The following KIF5B variants were observed in gnomAD, a reference collection of about 807,000 sequenced individuals.
The protein encoded by KIF5B is kinesin-1 heavy chain.
Under a neutral mutation model 132.8 loss-of-function variants are expected in KIF5B, and 49 were observed. The observed-to-expected ratio is 0.37, with a 90% CI of 0.29 to 0.47. KIF5B has a LOEUF of 0.47. Among genes scored for constraint, KIF5B ranks in the 20% least tolerant of loss-of-function variants. The pLI is 1.00. For synonymous variants in KIF5B, 355 were observed against 369.4 expected, an observed-to-expected ratio of 0.96 and a Z score of 0.45; for missense variants, 780 against 1,144.0, an observed-to-expected ratio of 0.68 and a Z score of 4.59.
chr10:32,021,148 G>GA lies in KIF5B; in HGVS notation c.2095-18dup. 1 of 1,608,180 alleles carries GA rather than the reference G, an allele frequency of 6.2e-7. No individual in the cohort carries two copies. Among genetic ancestry groups the GA allele is most frequent in the Non-Finnish European group, 8.5e-7 (1 of 1,174,914 alleles). ...AACAGCTTGCTAAAATTTTGGGGGG[G>GA]AAAAGGATGTTAAAGTCAGACTAAT... On this transcript the variant is annotated splice_polypyrimidine_tract_variant and intron_variant, in intron 18 of 25. Coordinates refer to ENST00000302418, the MANE Select transcript of KIF5B (RefSeq NM_004521.3).
At chr10:32,043,348 G>C (rs572245540) in intron 2 of KIF5B, among the ~76,000 whole-genome samples, 2 of 152,248 alleles carry the variant, frequency 1.3e-5, no homozygotes, top group African/African-American at 2.4e-5. Context: ...AGAAAACTGA[G>C]ACACAGAGAG....
At chr10:32,051,193 G>A (rs906892676) in intron 1 of KIF5B, among the ~76,000 whole-genome samples, 1 of 152,138 alleles carries the variant, frequency 6.6e-6, no homozygotes, top group Non-Finnish European at 1.5e-5. Context: ...TGAGTAGCTG[G>A]GACCACAGGC....
chr10:32,032,459 AAAGT>A (rs1209888747), intron 13 of KIF5B, among the ~76,000 whole-genome samples: 1 of 152,232 alleles, frequency 6.6e-6, no homozygotes, highest in Non-Finnish European at 1.5e-5. Context: ...ATGAGGATCC[AAAGT>A]AAGTGACAAG....
At position 32,022,083 on chromosome 10, in the gene KIF5B, T is replaced by C. The variant is rs1047400791; in HGVS notation, c.2032+57A>G. The stretch of plus-strand genomic sequence containing the variant: ...CTTTCAGTGTGAATATTAAGTTTAC[T>C]ACAATTATACTAAAATAAGAACACA... On this transcript the variant is annotated intron_variant, in intron 17 of 25. Coordinates refer to ENST00000302418, the MANE Select transcript of KIF5B (RefSeq NM_004521.3). The C allele has an allele frequency of 1.7e-5, 14 of 831,536 alleles. No individual in the cohort carries two copies. The African/African-American group carries it at 2.2e-4, about 13-fold the overall frequency. 51.5% of individuals were successfully genotyped at this position (831,536 alleles called of 1,614,324 possible).
intron 2 of KIF5B, among the ~76,000 whole-genome samples, chr10:32,044,869 T>C (rs1841589015): frequency 6.6e-6 from 1 of 152,144 alleles, no homozygotes; most frequent in South Asian, 2.1e-4. Flanking sequence ...TGTCTGATTC[T>C]AAAGATTATA....
intron 6 of KIF5B, among the ~76,000 whole-genome samples, chr10:32,037,886 C>CG (rs1399525937): frequency 6.6e-6 from 1 of 151,492 alleles, no homozygotes; most frequent in Non-Finnish European, 1.5e-5. Flanking sequence ...CAGAGGCGGG[C>CG]GGATCACGAG....
chr10:32,027,571 A>G (rs1841349067), intron 15 of KIF5B, among the ~76,000 whole-genome samples: 1 of 152,042 alleles, frequency 6.6e-6, no homozygotes, highest in Non-Finnish European at 1.5e-5. Context: ...TATTTAAAGC[A>G]ACCACAAGCC....
intron 8 of KIF5B, among the ~76,000 whole-genome samples, chr10:32,036,963 A>G (rs371337561): frequency 6.7e-6 from 1 of 150,092 alleles, no homozygotes; most frequent in East Asian, 1.9e-4. Context: ...TAGAAAAGGG[A>G]TATCTAATAA....
intron 20 of KIF5B, among the ~76,000 whole-genome samples, chr10:32,019,312 A>G (rs952088195): frequency 7.9e-5 from 12 of 152,198 alleles, no homozygotes; most frequent in African/African-American, 2.7e-4. Context: ...CTATCCTAAC[A>G]ATATCAGTTG....
At chr10:32,031,799 C>G (rs1420078306) in intron 13 of KIF5B, among the ~76,000 whole-genome samples, 5 of 147,068 alleles carry the variant, frequency 3.4e-5, no homozygotes, top group African/African-American at 1.3e-4. Context: ...GAGTTTGAGA[C>G]CAGCCTGACC....
chr10:32,035,310 G>A (rs1176980447), intron 10 of KIF5B, among the ~76,000 whole-genome samples: 1 of 152,104 alleles, frequency 6.6e-6, no homozygotes, highest in South Asian at 2.1e-4. Flanking sequence ...ACACAAATTT[G>A]ACTAAAATTA....
At chr10:32,041,554 G>A (rs759797872) in intron 2 of KIF5B, among the ~76,000 whole-genome samples, 3 of 152,030 alleles carry the variant, frequency 2.0e-5, no homozygotes, top group Non-Finnish European at 2.9e-5. Context: ...CACAAACCCC[G>A]ACCTTCCTCT....
intron 2 of KIF5B, among the ~76,000 whole-genome samples, chr10:32,042,551 CAA>C (rs980142812): frequency 2.0e-5 from 3 of 152,204 alleles, no homozygotes; most frequent in African/African-American, 7.2e-5. Context: ...CCTGTCAACT[CAA>C]AGTCAGGACC....
At position 32,038,193 on chromosome 10, in the gene KIF5B, A is replaced by G. The variant is rs757463226; in HGVS notation, c.468T>C (p.His156=). The change falls in exon 6 of 26, where the codon CAT becomes CAC. Residue 156 remains histidine, a synonymous_variant. Coordinates refer to ENST00000302418, the MANE Select transcript of KIF5B (RefSeq NM_004521.3). Reference sequence around the variant, plus strand: ...CATAGGGAACTCGGTTTTTGTCTTCATGAACTGAAAGGTTGGTCTTTGAAA... The same window carrying G: ...CATAGGGAACTCGGTTTTTGTCTTCGTGAACTGAAAGGTTGGTCTTTGAAA... The part of the protein sequence containing the change: ...LDVSKTNLSV[H]EDKNRVPYVK... The G allele has an allele frequency of 1.9e-6, 3 of 1,608,412 alleles. 1 individual carries two copies. In the South Asian group the frequency reaches 3.3e-5, roughly 18 times the overall value.
intron 2 of KIF5B, among the ~76,000 whole-genome samples, chr10:32,042,541 C>A (rs1841556638): frequency 6.6e-6 from 1 of 152,182 alleles, no homozygotes; most frequent in Non-Finnish European, 1.5e-5. Context: ...TACTCACTAG[C>A]CTGTCAACTC....
At chr10:32,052,760 C>G (rs1841709745) in intron 1 of KIF5B, among the ~76,000 whole-genome samples, 1 of 152,186 alleles carries the variant, frequency 6.6e-6, no homozygotes, top group Non-Finnish European at 1.5e-5. Flanking sequence ...TAAAGACTTT[C>G]ATAAAATAAT....
intron 11 of KIF5B, among the ~76,000 whole-genome samples, 200 bp downstream of exon 11, chr10:32,034,488 AAT>A (rs1252660066): frequency 6.6e-6 from 1 of 152,150 alleles, no homozygotes; most frequent in Admixed American, 6.5e-5. Flanking sequence ...CTGCTTAATT[AAT>A]TCTACTACTG....
At chr10:32,022,808 C>T (rs2132587362) in intron 16 of KIF5B, 40 bp downstream of exon 16, 1 of 1,358,666 alleles carries the variant, frequency 7.4e-7, no homozygotes, top group Non-Finnish European at 1.0e-6. Flanking sequence ...TTCTATGTGG[C>T]TGTTTCAAAA....
At chr10:32,042,516 T>C (rs928300943) in intron 2 of KIF5B, among the ~76,000 whole-genome samples, 1 of 152,214 alleles carries the variant, frequency 6.6e-6, no homozygotes, top group African/African-American at 2.4e-5. Context: ...ATTCGATCAA[T>C]TTACCTGTCT....
Sources: allele counts gnomAD v4.1 joint callset (sites outside exome capture counted in the v4.1 genomes callset), GRCh38; gene constraint gnomAD v4.1.1; transcripts MANE v1.5; gene names NCBI Gene and HGNC (gene_info 2026-07-23, HGNC 2026-07-21).